TRERF1: variants seen among roughly 807,000 people sequenced by gnomAD.
The protein encoded by TRERF1 is transcriptional-regulating factor 1.
Under a neutral mutation model 122.9 loss-of-function variants are expected in TRERF1, and 27 were observed. That is an observed-to-expected ratio of 0.22 (90% CI 0.16 to 0.30). The LOEUF (loss-of-function observed/expected upper bound fraction) is 0.30, where lower values mean the gene tolerates loss of function less well. Among genes scored for constraint, TRERF1 ranks in the 10% least tolerant of loss-of-function variants. The pLI, the probability that TRERF1 is intolerant of heterozygous loss-of-function variation, is 1.00. For synonymous variants in TRERF1, 636 were observed against 641.7 expected, an observed-to-expected ratio of 0.99 and a Z score of 0.13; for missense variants, 1,248 against 1,560.3, an observed-to-expected ratio of 0.80 and a Z score of 3.37.
chr6:42,385,384 A>C (rs1451137674), intron 2 of TRERF1, among the ~76,000 whole-genome samples: 2 of 152,132 alleles, frequency 1.3e-5, no homozygotes, highest in Non-Finnish European at 2.9e-5. Context: ...TCTTCCTCAA[A>C]ATTACCTTCC....
At chr6:42,341,833 T>G (rs1432364319) in intron 3 of TRERF1, among the ~76,000 whole-genome samples, 2 of 152,214 alleles carry the variant, frequency 1.3e-5, no homozygotes, top group Non-Finnish European at 1.5e-5. Flanking sequence ...TTGGATGTGA[T>G]GGGGTAGGAG....
At chr6:42,371,807 A>C (rs1273994261) in intron 2 of TRERF1, among the ~76,000 whole-genome samples, 5 of 152,200 alleles carry the variant, frequency 3.3e-5, no homozygotes, top group African/African-American at 1.2e-4. Context: ...TGGCAAGCTC[A>C]TCTGCTCAGG....
At chr6:42,270,776 T>TA (rs1360149550) in intron 4 of TRERF1, among the ~76,000 whole-genome samples, 2 of 142,276 alleles carry the variant, frequency 1.4e-5, no homozygotes, top group East Asian at 4.0e-4. Context: ...CTCTTTTTTT[T>TA]TTTTTTTTTT....
At chr6:42,377,655 C>G (rs1581881104) in intron 2 of TRERF1, among the ~76,000 whole-genome samples, 1 of 152,194 alleles carries the variant, frequency 6.6e-6, no homozygotes, top group South Asian at 2.1e-4. Context: ...CCTTCTCTGC[C>G]CCTTCTACCA....
chr6:42,265,144 G>A (rs148542884), intron 6 of TRERF1, among the ~76,000 whole-genome samples: 9 of 152,298 alleles, frequency 5.9e-5, no homozygotes, highest in Admixed American at 3.3e-4. Flanking sequence ...ACTTGGGAAC[G>A]ATAGCTTATT....
At chr6:42,277,905 G>GGAAGAAGAAGAA (rs70987587) in intron 4 of TRERF1, among the ~76,000 whole-genome samples, 1,897 of 85,048 alleles carry the variant, frequency 0.022, 65 homozygotes, top group East Asian at 0.055. Context: ...GAAGGAAGAA[G>GGAAGAAGAAGAA]GAAGAAGAAG....
intron 3 of TRERF1, among the ~76,000 whole-genome samples, chr6:42,333,868 G>A (rs191295511): frequency 6.6e-6 from 1 of 152,146 alleles, no homozygotes; most frequent in African/African-American, 2.4e-5. Context: ...GGCCACATCC[G>A]ACCACCTTCT....
intron 10 of TRERF1, 70 bp from the exon 11 acceptor site, chr6:42,257,172 A>G: frequency 3.8e-6 from 6 of 1,560,474 alleles, no homozygotes; most frequent in Non-Finnish European, 5.2e-6. Context: ...GGCAACTGTC[A>G]GGAACTTGAA....
chr6:42,425,360 C>CCT (rs1783463785), intron 2 of TRERF1, among the ~76,000 whole-genome samples: 2 of 150,200 alleles, frequency 1.3e-5, no homozygotes, highest in Non-Finnish European at 3.0e-5. Context: ...AGCCCCCAAC[C>CCT]AACCCCCTAC....
At chr6:42,339,278 T>C (rs1449319163) in intron 3 of TRERF1, among the ~76,000 whole-genome samples, 1 of 152,240 alleles carries the variant, frequency 6.6e-6, no homozygotes, top group African/African-American at 2.4e-5. Context: ...GTCTTTCCTG[T>C]CCTCCACGTC....
chr6:42,436,823 A>ATAT (rs1785521598), intron 2 of TRERF1, among the ~76,000 whole-genome samples: 1 of 136,672 alleles, frequency 7.3e-6, no homozygotes, highest in East Asian at 2.1e-4. Context: ...AAATATATAT[A>ATAT]TATATATATA....
chr6:42,388,382 A>G (rs1777167742), intron 2 of TRERF1, among the ~76,000 whole-genome samples: 2 of 152,110 alleles, frequency 1.3e-5, no homozygotes, highest in African/African-American at 4.8e-5. Flanking sequence ...ACTAGGAAAA[A>G]TACGAGCTCA....
In TRERF1 at chr6:42,268,931, A is replaced by G. The variant is rs1779740348; in HGVS notation, c.660T>C (p.Ala220=). 1 of 1,612,348 alleles carries G rather than the reference A, an allele frequency of 6.2e-7. No individual in the cohort carries two copies. Among genetic ancestry groups the G allele is most frequent in the African/African-American group, 1.3e-5 (1 of 74,944 alleles). Residue 220 remains alanine, a synonymous_variant, in exon 5 of 18, where the codon GCT becomes GCC. Coordinates refer to ENST00000372922, the Ensembl canonical transcript of TRERF1. This position sits in a 1 kb window ranked among gnomAD's most constrained non-coding sequence, Gnocchi z 4.4. ...GGGTAGGGTGCTGCCCGACCTGAAG[A>G]GCTGGTTTGGACAGCCCACCAGTGA...
chr6:42,350,656 A>G (rs568581740), intron 3 of TRERF1, among the ~76,000 whole-genome samples: 54 of 152,298 alleles, frequency 3.5e-4, no homozygotes, highest in Non-Finnish European at 6.2e-4. Context: ...AATTCACATT[A>G]AGGACATTCA....
chr6:42,303,284 C>T (rs1786541887), intron 3 of TRERF1, among the ~76,000 whole-genome samples: 1 of 152,126 alleles, frequency 6.6e-6, no homozygotes. Context: ...TTAGAGATAA[C>T]TATAATAGTG....
At chr6:42,272,835 C>G (rs1450129013) in intron 4 of TRERF1, among the ~76,000 whole-genome samples, 1 of 152,198 alleles carries the variant, frequency 6.6e-6, no homozygotes, top group African/African-American at 2.4e-5. Context: ...CACCACCCAT[C>G]CTTTCTGACC....
intron 2 of TRERF1, among the ~76,000 whole-genome samples, chr6:42,395,557 C>T (rs1778449183): frequency 2.0e-5 from 3 of 152,168 alleles, no homozygotes; most frequent in Admixed American, 2.0e-4. Flanking sequence ...TGATGCCATA[C>T]CTGGCTTTGT....
intron 4 of TRERF1, among the ~76,000 whole-genome samples, chr6:42,279,083 G>A (rs1325530888): frequency 2.0e-5 from 3 of 152,226 alleles, no homozygotes; most frequent in Non-Finnish European, 4.4e-5. Flanking sequence ...ACAAGGGGAA[G>A]GCAGAGAAGA....
chr6:42,310,053 G>A (rs1282203741), intron 3 of TRERF1, among the ~76,000 whole-genome samples: 3 of 151,552 alleles, frequency 2.0e-5, no homozygotes, highest in Non-Finnish European at 4.4e-5. Flanking sequence ...ATAAGCCCCC[G>A]CACCCAGCCT....
Sources: allele counts gnomAD v4.1 joint callset (sites outside exome capture counted in the v4.1 genomes callset), GRCh38; gene constraint gnomAD v4.1.1; non-coding constraint Gnocchi (gnomAD v3.1); transcripts MANE v1.5; gene names NCBI Gene and HGNC (gene_info 2026-07-23, HGNC 2026-07-21).